OXCT1: variants seen among roughly 807,000 people sequenced by gnomAD.
OXCT1 encodes the protein 3-oxoacid CoA-transferase 1.
OXCT1 carries 27 observed loss-of-function variants against 69.6 expected under a neutral mutation model. The observed-to-expected ratio is 0.39, with a 90% CI of 0.29 to 0.54. The LOEUF is 0.54. Ranked by LOEUF, OXCT1 falls within the 20% of genes least tolerant of loss-of-function variation. The probability of loss-of-function intolerance (pLI) is 0.72; values close to 1 mark genes in which losing one functional copy is unlikely to be tolerated. For synonymous variants in OXCT1, 202 were observed against 217.8 expected (o/e 0.93, Z 0.64); for missense variants, 437 against 650.2 (o/e 0.67, Z 3.57).
chr5:41,779,032 C>A (rs1745268340), intron 13 of OXCT1, among the ~76,000 whole-genome samples: 1 of 152,226 alleles, frequency 6.6e-6, no homozygotes, highest in Admixed American at 6.5e-5. Flanking sequence ...TAACTCTCCA[C>A]ATTTCAAAGC....
chr5:41,862,980 T>C (rs745483674), intron 1 of OXCT1, among the ~76,000 whole-genome samples: 38 of 152,150 alleles, frequency 2.5e-4, no homozygotes, highest in Non-Finnish European at 4.7e-4. Flanking sequence ...AGACCCCCCT[T>C]ATCCACAGTT....
chr5:41,797,491 G>A (rs191725401), intron 11 of OXCT1, among the ~76,000 whole-genome samples: 24 of 152,246 alleles, frequency 1.6e-4, no homozygotes, highest in Non-Finnish European at 2.6e-4. Context: ...AAGAAAAGTC[G>A]TAACTAAAGG....
chr5:41,767,633 G>A (rs971178365), intron 13 of OXCT1, among the ~76,000 whole-genome samples: 1 of 147,070 alleles, frequency 6.8e-6, no homozygotes, highest in Non-Finnish European at 1.5e-5. Context: ...ACTCTACTCA[G>A]TCACGTCTCT....
chr5:41,810,335 C>T (rs771242539), intron 7 of OXCT1, among the ~76,000 whole-genome samples: 49 of 151,938 alleles, frequency 3.2e-4, no homozygotes, highest in Non-Finnish European at 1.0e-4. Flanking sequence ...GAGTTTTCCT[C>T]CTGAAGTTAG....
At chr5:41,787,205 A>G (rs2112203243) in intron 13 of OXCT1, among the ~76,000 whole-genome samples, 1 of 152,210 alleles carries the variant, frequency 6.6e-6, no homozygotes, top group East Asian at 1.9e-4. Context: ...GATTTGTACT[A>G]AGAAAACCAT....
intron 7 of OXCT1, among the ~76,000 whole-genome samples, chr5:41,835,831 G>A (rs1232242349): frequency 6.6e-6 from 1 of 152,068 alleles, no homozygotes; most frequent in East Asian, 1.9e-4. Flanking sequence ...TGAGTCAGAC[G>A]ACCTTTTCTG....
chr5:41,761,728 C>T (rs1314322352), intron 14 of OXCT1, among the ~76,000 whole-genome samples: 1 of 152,108 alleles, frequency 6.6e-6, no homozygotes, highest in Non-Finnish European at 1.5e-5. Flanking sequence ...TCTGTTGTGG[C>T]TTTTCATTTC....
chr5:41,863,443 C>T (rs1579907875), intron 1 of OXCT1, among the ~76,000 whole-genome samples: 1 of 152,246 alleles, frequency 6.6e-6, no homozygotes, highest in African/African-American at 2.4e-5. Context: ...CTTTGACCAA[C>T]ATCTCACCAA....
chr5:41,809,754 A>G (rs958695761), intron 7 of OXCT1, among the ~76,000 whole-genome samples: 1 of 152,086 alleles, frequency 6.6e-6, no homozygotes, highest in African/African-American at 2.4e-5. Context: ...CACCAAATCA[A>G]GACAAAGCTT....
rs531338916 is a variant in OXCT1, at chr5:41,858,701, A to G, written c.278+2613T>C. Among the ~76,000 whole-genome samples the G allele has an allele frequency of 2.6e-5, 4 of 152,342 alleles. No individual in the cohort carries two copies. In the East Asian group the frequency reaches 7.7e-4, roughly 29 times the overall value. ...TGAAATTTAATTTGCTGATTTTCTG[A>G]AATCTCATTAATTGGCAATTCTTGT... On this transcript the variant is annotated intron_variant, in intron 3 of 16. Coordinates refer to ENST00000196371, the MANE Select transcript of OXCT1 (RefSeq NM_000436.4).
rs1407303079 is a variant in OXCT1 at position 41,870,383 on chromosome 5, G to A, written c.-25C>T. On this transcript the variant is annotated 5_prime_UTR_variant, in exon 1 of 17. Coordinates refer to ENST00000196371, the MANE Select transcript of OXCT1 (RefSeq NM_000436.4). The surrounding 1 kb of genome is among the most constrained non-coding windows in gnomAD (Gnocchi z 4.2). ...TCTTCGGGCGGTGAGGCAGGAGGAG[G>A]CTGCGGGTTGGAGCGCGCGTTTGAG... is the stretch of plus-strand genomic sequence containing the variant. 1 of 1,594,860 alleles carries A rather than the reference G, an allele frequency of 6.3e-7. No homozygotes were observed. The highest frequency in any genetic ancestry group is 1.1e-5 in the South Asian group (1 of 90,362).
chr5:41,866,818 G>A (rs1167941067), intron 1 of OXCT1, among the ~76,000 whole-genome samples: 1 of 152,246 alleles, frequency 6.6e-6, no homozygotes, highest in Admixed American at 6.5e-5. Context: ...CTCCGAAGGA[G>A]CACAGATGAA....
intron 7 of OXCT1, among the ~76,000 whole-genome samples, chr5:41,818,922 TAAAAA>T (rs373863048): frequency 5.6e-5 from 8 of 143,878 alleles, no homozygotes; most frequent in Admixed American, 3.5e-4. Flanking sequence ...GTGACTCGTT[TAAAAA>T]AAAAAAAAGA....
chr5:41,842,361 T>C (rs1748667270), intron 6 of OXCT1, among the ~76,000 whole-genome samples: 1 of 152,212 alleles, frequency 6.6e-6, no homozygotes, highest in Admixed American at 6.5e-5. Context: ...TTGTATGATG[T>C]CACATTTTCT....
At position 41,840,465 on chromosome 5, in the gene OXCT1, T is replaced by C. The variant is rs1748574051; in HGVS notation, c.718A>G (p.Thr240Ala). 1.2e-6 allele frequency: 2 copies of C among 1,612,610 alleles called. No homozygotes were observed. The highest frequency in any genetic ancestry group is 3.3e-5 in the Admixed American group (2 of 59,976). ...FNLPMCKAAE[T>A]TVVEVEEIVD... is the part of the protein sequence containing the mutation. ...TAACCTCTTACCTCTACCACTGTGG[T>C]TTCTGCAGCTTTGCACATTGGCAAG... Residue 240 changes from threonine to alanine, a missense_variant, in exon 7 of 17, where the codon ACC becomes GCC. By Grantham distance (58) the Thr-to-Ala change is moderately conservative. Transcript: ENST00000196371.
rs33967331 is a variant in OXCT1, at chr5:41,739,582, G to A, written c.1420-91C>T. On this transcript the variant is annotated intron_variant, in intron 15 of 16. Coordinates refer to ENST00000196371, the MANE Select transcript of OXCT1 (RefSeq NM_000436.4). ...ACAGAAATAACCTCGCAAGTTCGAC[G>A]AGGTCGGGTGTGGTGGCTCAGGCCT... 215,221 of 985,142 alleles carry A rather than the reference G, an allele frequency of 0.22. 25,087 individuals carry two copies. Among genetic ancestry groups the A allele is most frequent in the Middle Eastern group, 0.33 (1,578 of 4,830 alleles). 61.0% of individuals were successfully genotyped at this position (985,142 alleles called of 1,614,324 possible).
In OXCT1 at chr5:41,749,556, G is replaced by A. The variant is rs1486080401; in HGVS notation, c.1390C>T (p.Gln464Ter). 2 of 1,608,612 alleles carry A rather than the reference G, an allele frequency of 1.2e-6. No individual in the cohort carries two copies. The highest frequency in any genetic ancestry group is 1.7e-5 in the Admixed American group (1 of 59,814). ...TCAGTAATAATGCGGTTGACACATT[G>A]CTTTCCAGTCAATGGTAATGTACAT... ...EKCTLPLTGK[Q>*]CVNRIITEKA... The change falls in exon 15 of 17, where the codon CAA becomes TAA. Residue 464 changes from glutamine (Q) to a stop codon, truncating the protein, a stop_gained. Transcript: ENST00000196371. LOFTEE classifies it high-confidence loss of function.
At chr5:41,735,247 G>T (rs1334708498) in intron 16 of OXCT1, among the ~76,000 whole-genome samples, 1 of 152,134 alleles carries the variant, frequency 6.6e-6, no homozygotes, top group Non-Finnish European at 1.5e-5. Context: ...TATGCACAAT[G>T]AAATATTATA....
chr5:41,779,332 G>A (rs1745284839), intron 13 of OXCT1, among the ~76,000 whole-genome samples: 2 of 152,154 alleles, frequency 1.3e-5, no homozygotes, highest in Non-Finnish European at 2.9e-5. Context: ...CTAGCCACAT[G>A]TGGCTATATA....
Sources: allele counts gnomAD v4.1 joint callset (sites outside exome capture counted in the v4.1 genomes callset), GRCh38; gene constraint gnomAD v4.1.1; non-coding constraint Gnocchi (gnomAD v3.1); transcripts MANE v1.5; gene names NCBI Gene and HGNC (gene_info 2026-07-23, HGNC 2026-07-21).